The following DENND6A variants were observed in gnomAD, a reference collection of about 807,000 sequenced individuals.
DENND6A encodes protein DENND6A.
A neutral mutation model predicts 95.5 loss-of-function variants in DENND6A; 43 were observed. The ratio of observed to expected loss-of-function variants is 0.45; its 90% CI spans 0.35 to 0.58. The LOEUF (loss-of-function observed/expected upper bound fraction) is 0.58. Ranked by LOEUF, DENND6A falls within the 20% of genes least tolerant of loss-of-function variation. The pLI, the probability that DENND6A is intolerant of heterozygous loss-of-function variation, is 0.00. For synonymous variants in DENND6A, 257 were observed against 260.4 expected, an observed-to-expected ratio of 0.99 and a Z score of 0.13; for missense variants, 574 against 736.0, an observed-to-expected ratio of 0.78 and a Z score of 2.55.
At chr3:57,649,858 C>CTT (rs1307982584) in intron 9 of DENND6A, among the ~76,000 whole-genome samples, 1 of 150,104 alleles carries the variant, frequency 6.7e-6, no homozygotes, top group East Asian at 1.9e-4. Flanking sequence ...CTCTATCCCA[C>CTT]TAGACCACGT....
chr3:57,666,383 C>T, intron 3 of DENND6A, 148 bp from the exon 4 acceptor site: 1 of 657,230 alleles, frequency 1.5e-6, no homozygotes, highest in Admixed American at 3.3e-5. Flanking sequence ...CCTAAGAGTT[C>T]CAGTGACTTG....
chr3:57,691,528 G>T (rs1303389703), intron 1 of DENND6A, among the ~76,000 whole-genome samples: 1 of 152,036 alleles, frequency 6.6e-6, no homozygotes, highest in Admixed American at 6.6e-5. Flanking sequence ...TAATGTCGCT[G>T]AACTGTGTTA....
At chr3:57,677,197 T>C (rs1194134918) in intron 1 of DENND6A, among the ~76,000 whole-genome samples, 1 of 152,178 alleles carries the variant, frequency 6.6e-6, no homozygotes, top group Non-Finnish European at 1.5e-5. Context: ...CTATTTCCCA[T>C]TGATATGTAA....
chr3:57,668,557 GC>G, intron 3 of DENND6A, among the ~76,000 whole-genome samples: 1 of 152,148 alleles, frequency 6.6e-6, no homozygotes, highest in East Asian at 1.9e-4. Flanking sequence ...TTAAACTTAG[GC>G]TCCTAAAGAT....
At chr3:57,666,037 T>C (rs1266202141) in intron 4 of DENND6A, 86 bp downstream of exon 4, 1 of 1,132,832 alleles carries the variant, frequency 8.8e-7, no homozygotes. Context: ...AAGCAAAATA[T>C]TTCTGAATGG....
intron 1 of DENND6A, among the ~76,000 whole-genome samples, chr3:57,689,580 G>C (rs1409263104): frequency 6.6e-6 from 1 of 152,080 alleles, no homozygotes; most frequent in Non-Finnish European, 1.5e-5. Flanking sequence ...CCTTCACTTA[G>C]GACAGGGCCT....
At chr3:57,664,060 T>G (rs1345064535) in intron 4 of DENND6A, among the ~76,000 whole-genome samples, 1 of 152,212 alleles carries the variant, frequency 6.6e-6, no homozygotes, top group Non-Finnish European at 1.5e-5. Flanking sequence ...CTTACTCAGC[T>G]TACATTCTTT....
At chr3:57,669,681 C>T (rs1041901503) in intron 3 of DENND6A, among the ~76,000 whole-genome samples, 2 of 151,418 alleles carry the variant, frequency 1.3e-5, no homozygotes, top group Non-Finnish European at 2.9e-5. Context: ...CGCCACTGCG[C>T]TCCAGCCTGG....
rs1410625595 is a variant in DENND6A, at chr3:57,626,138, G to A, written c.*2076C>T. The stretch of plus-strand genomic sequence containing the variant: ...ATAACTCATATGATCCAAGGCAAAC[G>A]ATTTCTTTCAAATGCCATATTCTCT... On this transcript the variant is annotated 3_prime_UTR_variant, in exon 20 of 20. Transcript: ENST00000311128. 1.3e-5 allele frequency: 2 copies of A among 152,504 alleles called. No homozygotes were observed. The highest frequency in any genetic ancestry group is 3.9e-4 in the East Asian group (2 of 5,192). The allele number at this position is 152,504 out of a possible 1,614,324, so 9.4% of individuals were successfully genotyped here.
Position 57,627,846 on chromosome 3 carries a change from G to A in DENND6A, c.*368C>T, listed in dbSNP as rs2070566438. 5.8e-6 allele frequency: 1 copy of A among 171,314 alleles called. No individual in the cohort carries two copies. Among genetic ancestry groups the A allele is most frequent in the South Asian group, 1.5e-4 (1 of 6,732 alleles). 10.6% of individuals were successfully genotyped at this position (171,314 alleles called of 1,614,324 possible). ...GTGAATGTTATTTTTATATCCCCCTGAGTTTTAACATGATTGGGCAAAGCA... is the reference window on the plus strand; with the variant it reads ...GTGAATGTTATTTTTATATCCCCCTAAGTTTTAACATGATTGGGCAAAGCA... On this transcript the variant is annotated 3_prime_UTR_variant, in exon 20 of 20. Transcript: ENST00000311128.
chr3:57,666,354 T>C (rs541027534), intron 3 of DENND6A, 119 bp from the exon 4 acceptor site: 4 of 836,856 alleles, frequency 4.8e-6, no homozygotes, highest in Admixed American at 3.3e-5. Context: ...TGTCATGTTT[T>C]GGAGGAAAAA....
chr3:57,642,053 G>C (rs1004018110), intron 11 of DENND6A, among the ~76,000 whole-genome samples: 1 of 152,064 alleles, frequency 6.6e-6, no homozygotes, highest in Admixed American at 6.6e-5. Flanking sequence ...GGTGATTCAC[G>C]CCTGTAATCC....
rs1223978068 is a variant in DENND6A, at chr3:57,671,358, AC to A, written c.319+897del. Among the ~76,000 whole-genome samples, 25 of 152,166 alleles carry A rather than the reference AC, an allele frequency of 1.6e-4. No individual in the cohort carries two copies. The East Asian group carries it at 4.2e-3, about 26-fold the overall frequency. ...GCTAACATGGTGAAACCCCGTCTCTACTAAAAATACAAAAACAAAAAATTAG... is the reference window on the plus strand; with the variant it reads ...GCTAACATGGTGAAACCCCGTCTCTATAAAAATACAAAAACAAAAAATTAG... On this transcript the variant is annotated intron_variant, in intron 3 of 19. Coordinates refer to ENST00000311128, the MANE Select transcript of DENND6A (RefSeq NM_152678.3).
chr3:57,677,191 T>C (rs977179993), intron 1 of DENND6A, among the ~76,000 whole-genome samples: 4 of 152,154 alleles, frequency 2.6e-5, no homozygotes, highest in African/African-American at 9.7e-5. Flanking sequence ...AAAAAACTAT[T>C]TCCCATTGAT....
rs144155702 is a variant in DENND6A, at chr3:57,673,744, T to G, written c.238-1306A>C. On this transcript the variant is annotated intron_variant, in intron 1 of 19. Transcript: ENST00000311128. ...ACAATAATGAAGTTTTTTTTGTGCTTTTTTTGTTTTTGTTTTTGAGAAGGA... is the reference window on the plus strand; with the variant it reads ...ACAATAATGAAGTTTTTTTTGTGCTGTTTTTGTTTTTGTTTTTGAGAAGGA... Among the ~76,000 whole-genome samples the G allele has an allele frequency of 8.5e-5, 13 of 152,252 alleles. No homozygotes were observed. The East Asian group carries it at 2.5e-3, about 29-fold the overall frequency.
At chr3:57,645,538 G>A in intron 11 of DENND6A, 123 bp downstream of exon 11, 1 of 578,944 alleles carries the variant, frequency 1.7e-6, no homozygotes, top group Non-Finnish European at 3.0e-6. Context: ...ATTATTTCCA[G>A]CAGCTCCTCA....
At chr3:57,664,314 A>G (rs756935143) in intron 4 of DENND6A, among the ~76,000 whole-genome samples, 11 of 152,220 alleles carry the variant, frequency 7.2e-5, no homozygotes, top group Non-Finnish European at 1.3e-4. Flanking sequence ...GAAGCATAAC[A>G]ATGTTTATCA....
In DENND6A at chr3:57,626,896, T is replaced by C. The variant is rs6762914; in HGVS notation, c.*1318A>G. The C allele has an allele frequency of 0.42, 63,838 of 152,248 alleles. 13,837 individuals carry two copies. The highest frequency in any genetic ancestry group is 0.56 in the East Asian group (2,870 of 5,154). 9.4% of individuals were successfully genotyped at this position (152,248 alleles called of 1,614,324 possible). ...AGGCGAAAGTTCCCATGTCAAACAA[T>C]AGTAGGAAAAGTGTTTTAAGAAACA... On this transcript the variant is annotated 3_prime_UTR_variant, in exon 20 of 20. Transcript: ENST00000311128.
intron 9 of DENND6A, among the ~76,000 whole-genome samples, chr3:57,656,543 T>C (rs996959510): frequency 6.6e-6 from 1 of 152,178 alleles, no homozygotes; most frequent in African/African-American, 2.4e-5. Context: ...AATAAATACC[T>C]AGAAATAGGA....
Sources: gnomAD v4.1 joint callset for allele counts (sites outside exome capture counted in the v4.1 genomes callset) on GRCh38, gnomAD v4.1.1 for gene constraint, MANE v1.5 for transcripts, NCBI Gene and HGNC (gene_info 2026-07-23, HGNC 2026-07-21) for gene names.